UCHL5: variants seen among roughly 807,000 people sequenced by gnomAD.
The protein encoded by UCHL5 is ubiquitin carboxyl-terminal hydrolase isozyme L5.
Under a neutral mutation model 53.8 loss-of-function variants are expected in UCHL5, and 34 were observed. That is an observed-to-expected ratio of 0.63 (90% CI 0.48 to 0.84). The LOEUF (loss-of-function observed/expected upper bound fraction) is 0.84. UCHL5 is among the 40% of genes least tolerant of loss of function. The pLI, the probability that UCHL5 is intolerant of heterozygous loss-of-function variation, is 0.00. For missense variants in UCHL5, 290 were observed against 385.6 expected, an observed-to-expected ratio of 0.75 and a Z score of 2.08; for synonymous variants, 111 against 126.3, an observed-to-expected ratio of 0.88 and a Z score of 0.81.
chr1:193,057,433 G>C, intron 1 of UCHL5: 1 of 153,790 alleles, frequency 6.5e-6, no homozygotes, highest in African/African-American at 2.4e-5. Flanking sequence ...TTTAAATATA[G>C]CAAACTTATT....
chr1:193,018,441 GA>G, intron 10 of UCHL5: 1 of 708,938 alleles, frequency 1.4e-6, no homozygotes, highest in South Asian at 6.5e-5. Flanking sequence ...TATATTTTAA[GA>G]AAGAGATTTG....
Position 193,013,622 on chromosome 1 carries a change from TGAG to T in UCHL5, c.*2726_*2728del, listed in dbSNP as rs962216052. 1 of 152,176 alleles carries T rather than the reference TGAG, an allele frequency of 6.6e-6. No individual in the cohort carries two copies. Among genetic ancestry groups the T allele is most frequent in the Non-Finnish European group, 1.5e-5 (1 of 68,034 alleles). 9.4% of individuals were successfully genotyped at this position (152,176 alleles called of 1,614,324 possible). A position where few individuals can be genotyped will look rare whatever the true frequency, so the allele number is the denominator to read the frequency against. On this transcript the variant is annotated 3_prime_UTR_variant, in exon 11 of 11. Transcript: ENST00000367454. Reference sequence around the variant, plus strand: ...TTATCTGTTTTCTCTAAATGGTTTTTGAGGAGAATACATTAAAAGCCCTTTTTT... The same window carrying T: ...TTATCTGTTTTCTCTAAATGGTTTTTGAGAATACATTAAAAGCCCTTTTTT...
chr1:193,049,943 A>C, intron 2 of UCHL5, 92 bp from the exon 3 acceptor site: 1 of 1,069,124 alleles, frequency 9.4e-7, no homozygotes, highest in Non-Finnish European at 1.3e-6. Context: ...TATCTAACAA[A>C]TATAATACAA....
intron 10 of UCHL5, chr1:193,018,392 A>T: frequency 2.1e-6 from 1 of 486,926 alleles, no homozygotes; most frequent in African/African-American, 2.1e-5. Context: ...AATAAATAGA[A>T]GTCTCACAAA....
At chr1:193,038,895 C>G (rs1664568921) in intron 3 of UCHL5, among the ~76,000 whole-genome samples, 1 of 152,110 alleles carries the variant, frequency 6.6e-6, no homozygotes, top group Non-Finnish European at 1.5e-5. Context: ...ACTCGGGAGG[C>G]TGAGGCAGGA....
chr1:193,038,094 A>T (rs1021694460), intron 3 of UCHL5, among the ~76,000 whole-genome samples: 1 of 152,212 alleles, frequency 6.6e-6, no homozygotes, highest in Non-Finnish European at 1.5e-5. Flanking sequence ...TATGGAAGGT[A>T]CATACCTCAA....
intron 9 of UCHL5, among the ~76,000 whole-genome samples, 157 bp downstream of exon 9, chr1:193,022,769 T>A (rs1306536601): frequency 9.6e-6 from 1 of 104,462 alleles, no homozygotes; most frequent in African/African-American, 3.8e-5. Flanking sequence ...ATGAAAGACA[T>A]CTCACTACTT....
At position 193,023,112 on chromosome 1, in the gene UCHL5, C is replaced by T. The variant is rs1657765731; in HGVS notation, c.733-76G>A. ...ATTCAGAATATTTTAAAATGATAAACACAGTATGATTATTTTCAAATTTTT... is the reference window on the plus strand; with the variant it reads ...ATTCAGAATATTTTAAAATGATAAATACAGTATGATTATTTTCAAATTTTT... On this transcript the variant is annotated intron_variant, in intron 8 of 10. Coordinates refer to ENST00000367454, the MANE Select transcript of UCHL5 (RefSeq NM_001199261.3). 2.7e-6 allele frequency: 3 copies of T among 1,127,856 alleles called. No homozygotes were observed. In the South Asian group the frequency reaches 4.2e-5, roughly 16 times the overall value. The allele number at this position is 1,127,856 out of a possible 1,614,324, so 69.9% of individuals were successfully genotyped here.
chr1:193,022,906 A>C lies in UCHL5; in HGVS notation c.843+20T>G. ...TGCTCTATATTAAAACATTAAAGGA[A>C]CACATTTTTAAAAACATACCTTGTA... On this transcript the variant is annotated intron_variant, in intron 9 of 10. Transcript: ENST00000367454. The C allele has an allele frequency of 6.5e-7, 1 of 1,534,128 alleles. No individual in the cohort carries two copies. The highest frequency in any genetic ancestry group is 9.0e-7 in the Non-Finnish European group (1 of 1,109,652).
At chr1:193,030,383 C>CA (rs1034054491) in intron 3 of UCHL5, among the ~76,000 whole-genome samples, 1 of 152,184 alleles carries the variant, frequency 6.6e-6, no homozygotes, top group African/African-American at 2.4e-5. Flanking sequence ...AGCTGAGGCA[C>CA]AAAGAGGTAA....
At chr1:193,053,190 G>GA (rs1237400171) in intron 1 of UCHL5, among the ~76,000 whole-genome samples, 10 of 152,210 alleles carry the variant, frequency 6.6e-5, no homozygotes, top group South Asian at 2.1e-4. Context: ...TCAAATTAGG[G>GA]AAAAAACCTC....
At chr1:193,052,838 G>C (rs944605488) in intron 1 of UCHL5, among the ~76,000 whole-genome samples, 1 of 152,178 alleles carries the variant, frequency 6.6e-6, no homozygotes, top group Non-Finnish European at 1.5e-5. Context: ...AGTGCAGCTA[G>C]TATGTGCCAG....
intron 3 of UCHL5, among the ~76,000 whole-genome samples, chr1:193,034,508 T>C (rs909820386): frequency 6.6e-6 from 1 of 152,074 alleles, no homozygotes; most frequent in African/African-American, 2.4e-5. Context: ...AGGTCAATTC[T>C]ACAAAAATTT....
Position 193,059,267 on chromosome 1 carries a change from G to C in UCHL5, c.-7C>G, listed in dbSNP as rs750516831. The C allele has an allele frequency of 6.2e-7, 1 of 1,613,774 alleles. No individual in the cohort carries two copies. Among genetic ancestry groups the C allele is most frequent in the East Asian group, 2.2e-5 (1 of 44,870 alleles). On this transcript the variant is annotated 5_prime_UTR_variant, in exon 1 of 11. Coordinates refer to ENST00000367454, the MANE Select transcript of UCHL5 (RefSeq NM_001199261.3). The surrounding 1 kb of genome is among the most constrained non-coding windows in gnomAD (Gnocchi z 4.9). ...CCCCGGCATTGCCCGTCATGGCCCT[G>C]GCCACACACCGCCCCGATCCACCTC...
At chr1:193,060,002 T>C, upstream of UCHL5, 2 of 1,365,382 alleles carry the variant, frequency 1.5e-6, no homozygotes, top group Admixed American at 1.9e-5. Flanking sequence ...GGACCATTCC[T>C]CAGGGTGGGC....
At chr1:193,018,423 T>C (rs1655620718) in intron 10 of UCHL5, 1 of 659,332 alleles carries the variant, frequency 1.5e-6, no homozygotes, top group Non-Finnish European at 1.9e-6. Context: ...AACTAGATAA[T>C]TTTATTTTAT....
intron 3 of UCHL5, among the ~76,000 whole-genome samples, chr1:193,033,522 A>T (rs1469316925): frequency 6.6e-6 from 1 of 151,468 alleles, no homozygotes; most frequent in Admixed American, 6.6e-5. Flanking sequence ...AGTATACAAT[A>T]TATATATATA....
intron 1 of UCHL5, among the ~76,000 whole-genome samples, chr1:193,056,356 A>G (rs1470436358): frequency 6.6e-6 from 1 of 151,870 alleles, no homozygotes. Context: ...TTTCTGTTCC[A>G]CTAATTTCAA....
chr1:193,058,476 T>C (rs1200877119), intron 1 of UCHL5, among the ~76,000 whole-genome samples: 1 of 152,154 alleles, frequency 6.6e-6, no homozygotes. Flanking sequence ...GGATAAAAAG[T>C]AAAATGTGTT....
Sources: gnomAD v4.1 joint callset for allele counts (sites outside exome capture counted in the v4.1 genomes callset) on GRCh38, gnomAD v4.1.1 for gene constraint, Gnocchi (gnomAD v3.1) non-coding constraint, MANE v1.5 for transcripts, NCBI Gene and HGNC (gene_info 2026-07-23, HGNC 2026-07-21) for gene names.